The following VPS54 variants were observed in gnomAD, a reference collection of about 807,000 sequenced individuals.
VPS54 encodes the protein vacuolar protein sorting-associated protein 54.
VPS54 carries 45 observed loss-of-function variants against 121.5 expected under a neutral mutation model. The observed-to-expected ratio is 0.37, with a 90% confidence interval of 0.29 to 0.47. The LOEUF (loss-of-function observed/expected upper bound fraction) is 0.47, where lower values mean the gene tolerates loss of function less well. Among genes scored for constraint, VPS54 ranks in the 20% least tolerant of loss-of-function variants. The pLI is 0.99. For missense variants in VPS54, 1,090 were observed against 1,131.4 expected (o/e 0.96, Z 0.52); for synonymous variants, 371 against 385.8 (o/e 0.96, Z 0.45).
intron 1 of VPS54, among the ~76,000 whole-genome samples, chr2:64,002,168 T>C (rs1012056025): frequency 6.6e-6 from 1 of 152,128 alleles, no homozygotes; most frequent in African/African-American, 2.4e-5. Flanking sequence ...ACTCCTCCTA[T>C]CCCAAGCATA....
chr2:63,928,836 C>CAA (rs1383479805), intron 12 of VPS54, among the ~76,000 whole-genome samples: 749 of 64,230 alleles, frequency 0.012, 18 homozygotes, highest in African/African-American at 0.029. Flanking sequence ...AAATGGAAAG[C>CAA]AAAAAAAAAA....
In VPS54 at chr2:63,921,243, T is replaced by C. The variant is rs1262278962; in HGVS notation, c.1832A>G (p.His611Arg). The part of the protein sequence containing the change: ...ELLYSASDIC[H>R]DRAVKFLMSR... ...CATGAGAAATTTGACAGCTCGATCA[T>C]GGCATATATCTGAGGCACTATATAA... The change falls in exon 13 of 23, where the codon CAT becomes CGT. Residue 611 changes from histidine (H) to arginine (R), a missense_variant. Transcript: ENST00000272322. 2.5e-6 allele frequency: 4 copies of C among 1,611,322 alleles called. No individual in the cohort carries two copies. Among genetic ancestry groups the C allele is most frequent in the Admixed American group, 3.3e-5 (2 of 60,008 alleles).
intron 22 of VPS54, among the ~76,000 whole-genome samples, chr2:63,894,527 C>A (rs753932233): frequency 3.3e-5 from 5 of 151,960 alleles, no homozygotes; most frequent in Non-Finnish European, 7.4e-5. Flanking sequence ...CATAGTGAGA[C>A]CTCGTCTCTA....
chr2:64,014,017 CCT>C (rs548684091), intron 1 of VPS54, among the ~76,000 whole-genome samples: 73 of 148,518 alleles, frequency 4.9e-4, no homozygotes, highest in African/African-American at 1.7e-3. Flanking sequence ...ATGGCGAAAC[CCT>C]GTCTCCACTT....
In VPS54 at chr2:63,933,756, T is replaced by A. The variant is rs766130820; in HGVS notation, c.1656A>T (p.Val552=). 27 of 1,613,792 alleles carry A rather than the reference T, an allele frequency of 1.7e-5. No individual in the cohort carries two copies. Among genetic ancestry groups the A allele is most frequent in the Non-Finnish European group, 2.3e-5 (27 of 1,179,846 alleles). The change falls in exon 12 of 23, where the codon GTA becomes GTT. Residue 552 remains valine (V), a synonymous_variant. Coordinates refer to ENST00000272322, the MANE Select transcript of VPS54 (RefSeq NM_016516.3). The part of the protein sequence containing the change: ...PNSEPCSSDS[V]SEPECTTDSS... ...AATCAGTAGTACATTCTGGCTCGGA[T>A]ACAGAATCACTGCTGCAGGGCTCAC...
chr2:63,982,440 T>C (rs1269598291), intron 2 of VPS54, among the ~76,000 whole-genome samples: 4 of 152,222 alleles, frequency 2.6e-5, no homozygotes, highest in Non-Finnish European at 4.4e-5. Flanking sequence ...ATTGTGAATA[T>C]TGAATTAGCA....
intron 22 of VPS54, among the ~76,000 whole-genome samples, chr2:63,894,695 T>C (rs944308045): frequency 6.9e-5 from 10 of 144,136 alleles, no homozygotes; most frequent in Non-Finnish European, 9.2e-5. Context: ...CATGAGACCC[T>C]GTCTCCAAAA....
At chr2:63,913,335 C>T in intron 17 of VPS54, 25 bp from the exon 18 acceptor site, 1 of 1,569,954 alleles carries the variant, frequency 6.4e-7, no homozygotes, top group Non-Finnish European at 8.7e-7. Flanking sequence ...AGAAAAAAAC[C>T]CCAAAATTTA....
At chr2:63,895,170 G>GCCA (rs1198171388) in intron 22 of VPS54, among the ~76,000 whole-genome samples, 1 of 152,026 alleles carries the variant, frequency 6.6e-6, no homozygotes, top group Non-Finnish European at 1.5e-5. Context: ...AAAGTACAGA[G>GCCA]CTGGGCCGGG....
intron 3 of VPS54, among the ~76,000 whole-genome samples, chr2:63,973,765 G>A (rs752275707): frequency 6.6e-6 from 1 of 152,104 alleles, no homozygotes; most frequent in Non-Finnish European, 1.5e-5. Context: ...GGCTGGTCCT[G>A]AACTCTTGGT....
chr2:63,944,771 A>G (rs1674901159), intron 9 of VPS54, 116 bp from the exon 10 acceptor site: 1 of 764,268 alleles, frequency 1.3e-6, no homozygotes, highest in Non-Finnish European at 2.0e-6. Flanking sequence ...GACACTTTTC[A>G]AAAAAGGACA....
rs547609336 is a variant in VPS54 at position 64,009,946 on chromosome 2, A to G, written c.-21+8992T>C. Among the ~76,000 whole-genome samples the G allele has an allele frequency of 1.4e-3, 213 of 150,804 alleles. 1 individual carries two copies. Among genetic ancestry groups the G allele is most frequent in the African/African-American group, 5.0e-3 (205 of 40,946 alleles). On this transcript the variant is annotated intron_variant, in intron 1 of 22. Coordinates refer to ENST00000272322, the MANE Select transcript of VPS54 (RefSeq NM_016516.3). ...AACTTCCTGCTTCTGGATTCAACTG[A>G]TTCTCCTACCTCAGCCTCCCAAGAA...
chr2:63,961,151 T>A (rs1675750405), intron 7 of VPS54, among the ~76,000 whole-genome samples: 1 of 152,222 alleles, frequency 6.6e-6, no homozygotes, highest in Non-Finnish European at 1.5e-5. Flanking sequence ...ACTTCATTCA[T>A]GACTATATTC....
intron 7 of VPS54, among the ~76,000 whole-genome samples, chr2:63,958,919 T>C (rs1456268723): frequency 6.6e-6 from 1 of 152,166 alleles, no homozygotes; most frequent in African/African-American, 2.4e-5. Flanking sequence ...ATATGGACTC[T>C]GATATAAAAA....
rs1674621305 is a variant in VPS54 at position 63,939,524 on chromosome 2, T to C, written c.1398+2941A>G. Among the ~76,000 whole-genome samples, 3 of 152,170 alleles carry C rather than the reference T, an allele frequency of 2.0e-5. No individual in the cohort carries two copies. The South Asian group carries it at 6.2e-4, about 31-fold the overall frequency. ...AAATTCAAATAGTCTATTCCTGTAATGTGGTAAATTCTATTAAAAAACAAA... is the reference window on the plus strand; with the variant it reads ...AAATTCAAATAGTCTATTCCTGTAACGTGGTAAATTCTATTAAAAAACAAA... On this transcript the variant is annotated intron_variant, in intron 11 of 22. Transcript: ENST00000272322.
chr2:64,016,447 C>T (rs1397567243), intron 1 of VPS54, among the ~76,000 whole-genome samples: 5 of 151,968 alleles, frequency 3.3e-5, no homozygotes, highest in African/African-American at 1.2e-4. Context: ...AATATTGAGA[C>T]AGAAAGTAGA....
chr2:63,988,902 C>G (rs761916884), intron 1 of VPS54, among the ~76,000 whole-genome samples: 1 of 152,120 alleles, frequency 6.6e-6, no homozygotes, highest in African/African-American at 2.4e-5. Flanking sequence ...AGCCATATTT[C>G]TCTTATTGCC....
intron 12 of VPS54, among the ~76,000 whole-genome samples, chr2:63,926,602 C>A (rs775062878): frequency 3.9e-5 from 6 of 152,140 alleles, no homozygotes; most frequent in Non-Finnish European, 5.9e-5. Context: ...GCATTTCCAA[C>A]TGAGGTACCT....
chr2:63,920,353 C>A, intron 14 of VPS54, 93 bp downstream of exon 14: 1 of 1,222,602 alleles, frequency 8.2e-7, no homozygotes, highest in Non-Finnish European at 1.1e-6. Context: ...CAGGCATTTT[C>A]ACTGGCCAAT....
Sources: allele counts gnomAD v4.1 joint callset (sites outside exome capture counted in the v4.1 genomes callset), GRCh38; gene constraint gnomAD v4.1.1; transcripts MANE v1.5; gene names NCBI Gene and HGNC (gene_info 2026-07-23, HGNC 2026-07-21).